METTL15: variants seen among roughly 807,000 people sequenced by gnomAD.
METTL15 encodes the protein methyltransferase 15, mitochondrial 12S rRNA N4-cytidine, also known as 12S rRNA N(4)-cytidine methyltransferase METTL15.
In METTL15, 34 loss-of-function variants were observed where a neutral mutation model predicts 38.3. That is an observed-to-expected ratio of 0.89 (90% CI 0.68 to 1.18). The LOEUF (loss-of-function observed/expected upper bound fraction) is 1.18, where lower values mean the gene tolerates loss of function less well. METTL15 is among the 50% of genes most tolerant of loss of function. The probability of loss-of-function intolerance (pLI) is 0.00; values close to 1 mark genes in which losing one functional copy is unlikely to be tolerated. For missense variants in METTL15, 438 were observed against 498.4 expected (o/e 0.88, Z 1.15); for synonymous variants, 162 against 170.9 (o/e 0.95, Z 0.41).
intron 3 of METTL15, among the ~76,000 whole-genome samples, chr11:28,195,316 A>G (rs949285095): frequency 2.6e-5 from 4 of 152,084 alleles, no homozygotes; most frequent in Admixed American, 6.6e-5. Flanking sequence ...GGTTATACTA[A>G]TTTACATTTC....
chr11:28,140,935 C>T (rs952295962), intron 3 of METTL15, among the ~76,000 whole-genome samples: 1 of 152,140 alleles, frequency 6.6e-6, no homozygotes, highest in African/African-American at 2.4e-5. Flanking sequence ...GGAGGTTCTC[C>T]AGGGATCCTT....
chr11:28,188,949 A>C (rs369931166), intron 3 of METTL15, among the ~76,000 whole-genome samples: 1 of 151,324 alleles, frequency 6.6e-6, no homozygotes, highest in South Asian at 2.1e-4. Flanking sequence ...TAATCTATTC[A>C]TCCTAGGTAA....
intron 4 of METTL15, among the ~76,000 whole-genome samples, chr11:28,237,284 G>A (rs577508526): frequency 6.6e-6 from 1 of 152,182 alleles, no homozygotes; most frequent in Admixed American, 6.5e-5. Flanking sequence ...CATATTTCTT[G>A]GAGGCTTTGT....
intron 3 of METTL15, among the ~76,000 whole-genome samples, chr11:28,180,303 C>G (rs1851236408): frequency 6.6e-6 from 1 of 151,842 alleles, no homozygotes; most frequent in Admixed American, 6.6e-5. Flanking sequence ...GATATCACTG[C>G]TATCACCTTA....
downstream of METTL15, among the ~76,000 whole-genome samples, chr11:28,334,800 T>G (rs1282342945): frequency 6.6e-6 from 1 of 152,130 alleles, no homozygotes; most frequent in Non-Finnish European, 1.5e-5. Context: ...AGCATAAAAT[T>G]TTAAAAACAT....
intron 4 of METTL15, among the ~76,000 whole-genome samples, chr11:28,240,761 G>A (rs1854259291): frequency 1.3e-5 from 2 of 152,118 alleles, no homozygotes; most frequent in South Asian, 2.1e-4. Context: ...CTTATCAGAT[G>A]TTAAGAAAAT....
chr11:28,314,396 C>G lies in METTL15; in HGVS notation c.779-16000C>G, dbSNP rs951580512. ...TCAAGAAAAAGGCAGCACTGTTAATCATCTGTGTGTTACCATCTTCCAACT... is the reference window on the plus strand; with the variant it reads ...TCAAGAAAAAGGCAGCACTGTTAATGATCTGTGTGTTACCATCTTCCAACT... On this transcript the variant is annotated intron_variant, in intron 6 of 6. Coordinates refer to ENST00000407364, the MANE Select transcript of METTL15 (RefSeq NM_001113528.2). Among the ~76,000 whole-genome samples, 15 of 152,264 alleles carry G rather than the reference C, an allele frequency of 9.9e-5. No homozygotes were observed. The East Asian group carries it at 2.7e-3, about 27-fold the overall frequency.
At chr11:28,447,391 G>A (rs1851084041) in intron 6 of METTL15, among the ~76,000 whole-genome samples, 1 of 152,100 alleles carries the variant, frequency 6.6e-6, no homozygotes, top group Admixed American at 6.5e-5. Flanking sequence ...AATGAACAGG[G>A]CTTCTGATAG....
intron 4 of METTL15, among the ~76,000 whole-genome samples, chr11:28,276,460 A>C (rs939602927): frequency 2.0e-5 from 3 of 152,196 alleles, no homozygotes; most frequent in Non-Finnish European, 4.4e-5. Context: ...AAATTGATAA[A>C]CATCCCATGC....
At chr11:28,418,737 C>T (rs1193986691) in intron 5 of METTL15, among the ~76,000 whole-genome samples, 8 of 152,158 alleles carry the variant, frequency 5.3e-5, no homozygotes, top group African/African-American at 1.9e-4. Context: ...TCTGCAGTGG[C>T]TACATGGTTC....
At chr11:28,224,328 A>G (rs1853381394) in intron 4 of METTL15, among the ~76,000 whole-genome samples, 1 of 151,958 alleles carries the variant, frequency 6.6e-6, no homozygotes, top group South Asian at 2.1e-4. Context: ...TGCATTTTAA[A>G]GAATTGACAT....
intron 2 of METTL15, among the ~76,000 whole-genome samples, chr11:28,110,615 T>C (rs892539239): frequency 2.0e-5 from 3 of 152,194 alleles, no homozygotes; most frequent in African/African-American, 7.2e-5. Context: ...GGTGTATTTT[T>C]CTCTTTCCTT....
chr11:28,356,228 T>A (rs1464675681), intron 4 of METTL15, among the ~76,000 whole-genome samples: 1 of 152,226 alleles, frequency 6.6e-6, no homozygotes, highest in Non-Finnish European at 1.5e-5. Context: ...ACAATGTAAT[T>A]ATTTTGTCCA....
chr11:28,260,233 T>C (rs1343290231), intron 4 of METTL15, among the ~76,000 whole-genome samples: 2 of 152,222 alleles, frequency 1.3e-5, no homozygotes, highest in Non-Finnish European at 2.9e-5. Context: ...TTATTCCTTT[T>C]GCATAGAACG....
At chr11:28,403,378 C>T (rs1436442952) in intron 5 of METTL15, among the ~76,000 whole-genome samples, 1 of 151,914 alleles carries the variant, frequency 6.6e-6, no homozygotes, top group African/African-American at 2.4e-5. Flanking sequence ...TTAGTAATGA[C>T]CTCAAAAGCT....
chr11:28,423,391 T>A (rs1252070829), intron 5 of METTL15, among the ~76,000 whole-genome samples: 1 of 151,890 alleles, frequency 6.6e-6, no homozygotes, highest in East Asian at 1.9e-4. Context: ...AATGAAGAGA[T>A]ACCTGGACCC....
At chr11:28,134,297 A>G (rs979243223) in intron 3 of METTL15, among the ~76,000 whole-genome samples, 3 of 152,118 alleles carry the variant, frequency 2.0e-5, no homozygotes, top group African/African-American at 7.2e-5. Flanking sequence ...TTCACAGTTG[A>G]ATAAAAGGGC....
chr11:28,241,145 G>A (rs1433802078), intron 4 of METTL15, among the ~76,000 whole-genome samples: 1 of 152,138 alleles, frequency 6.6e-6, no homozygotes, highest in African/African-American at 2.4e-5. Context: ...AAAGAACACT[G>A]CCACCATGGG....
At chr11:28,375,646 T>A (rs1273337973) in intron 5 of METTL15, among the ~76,000 whole-genome samples, 1 of 152,084 alleles carries the variant, frequency 6.6e-6, no homozygotes, top group Non-Finnish European at 1.5e-5. Flanking sequence ...TTTTGAAGGG[T>A]TTTTTGTGTC....
Sources: gnomAD v4.1 joint callset for allele counts (sites outside exome capture counted in the v4.1 genomes callset) on GRCh38, gnomAD v4.1.1 for gene constraint, MANE v1.5 for transcripts, NCBI Gene and HGNC (gene_info 2026-07-23, HGNC 2026-07-21) for gene names.